ZSCAN25: variants seen among roughly 807,000 people sequenced by gnomAD.
The protein encoded by ZSCAN25 is zinc finger and SCAN domain-containing protein 25.
ZSCAN25 carries 27 observed loss-of-function variants against 38.7 expected under a neutral mutation model. The observed-to-expected ratio is 0.70, with a 90% confidence interval of 0.51 to 0.96. The LOEUF is 0.96. ZSCAN25 is among the 40% of genes least tolerant of loss of function. The pLI, the probability that ZSCAN25 is intolerant of heterozygous loss-of-function variation, is 0.00. For synonymous variants in ZSCAN25, 273 were observed against 277.7 expected (o/e 0.98, Z 0.17); for missense variants, 637 against 705.9 (o/e 0.90, Z 1.11).
the ZSCAN25 span, chr7:99,731,250 G>C: frequency 1.4e-6 from 2 of 1,381,736 alleles, no homozygotes. Flanking sequence ...ATCAGGCAAA[G>C]GAGGTAACAT....
the ZSCAN25 span, among the ~76,000 whole-genome samples, chr7:99,708,707 G>C: frequency 6.6e-6 from 1 of 152,040 alleles, no homozygotes; most frequent in Non-Finnish European, 1.5e-5. Context: ...AGTATATTCA[G>C]GAAAAAATAT....
At chr7:99,638,502 T>G in the ZSCAN25 span, 5 of 1,501,050 alleles carry the variant, frequency 3.3e-6, no homozygotes, top group Non-Finnish European at 4.6e-6. Flanking sequence ...GTCGGCACAG[T>G]CCACTACGAA....
At chr7:99,730,374 C>A in the ZSCAN25 span, among the ~76,000 whole-genome samples, 1 of 152,200 alleles carries the variant, frequency 6.6e-6, no homozygotes, top group Non-Finnish European at 1.5e-5. Context: ...TCAGTTACAT[C>A]CACTCCCTGC....
chr7:99,632,975 C>T (rs1808103405), downstream of ZSCAN25, among the ~76,000 whole-genome samples: 1 of 140,572 alleles, frequency 7.1e-6, no homozygotes, highest in Admixed American at 7.3e-5. Context: ...TTTTTACATT[C>T]TGCATTTTCT....
chr7:99,718,176 G>C, the ZSCAN25 span, among the ~76,000 whole-genome samples: 1 of 152,118 alleles, frequency 6.6e-6, no homozygotes, highest in Non-Finnish European at 1.5e-5. Context: ...AATGTTAAAT[G>C]ATGAGTTAAT....
chr7:99,629,385 C>G lies in ZSCAN25; in HGVS notation c.1000C>G (p.Leu334Val), dbSNP rs775491139. ...LPPPQHGAIP[L>V]PDEVKTHSSF... ...TCCTCCCCAGCACGGTGCCATCCCC[C>G]TGCCTGACGAAGTCAAAACCCACAG... The change falls in exon 8 of 8, where the codon CTG becomes GTG. Residue 334 changes from leucine (L) to valine (V), a missense_variant. Physicochemically the swap from Leu to Val is conservative, Grantham distance 32. Coordinates refer to ENST00000394152, the MANE Select transcript of ZSCAN25 (RefSeq NM_145115.3). The surrounding 1 kb of genome is among the most constrained non-coding windows in gnomAD (Gnocchi z 5.6). The G allele has an allele frequency of 1.9e-6, 3 of 1,614,234 alleles. No individual in the cohort carries two copies. In the Admixed American group the frequency reaches 5.0e-5, roughly 27 times the overall value.
At chr7:99,650,450 T>C in the ZSCAN25 span, among the ~76,000 whole-genome samples, 2 of 152,226 alleles carry the variant, frequency 1.3e-5, no homozygotes, top group Non-Finnish European at 2.9e-5. Context: ...TAGGAGCGTT[T>C]CTTGAGATGA....
chr7:99,650,021 A>T, the ZSCAN25 span: 3 of 1,595,158 alleles, frequency 1.9e-6, no homozygotes, highest in Non-Finnish European at 2.6e-6. Context: ...TAAAAAATAT[A>T]TACCCTTCAG....
chr7:99,643,087 C>G, the ZSCAN25 span, among the ~76,000 whole-genome samples: 1 of 151,122 alleles, frequency 6.6e-6, no homozygotes, highest in Admixed American at 6.6e-5. Context: ...TTCTTTTTTT[C>G]AAAAAAGCAA....
the ZSCAN25 span, among the ~76,000 whole-genome samples, chr7:99,679,004 G>T: frequency 6.6e-6 from 1 of 152,334 alleles, no homozygotes; most frequent in African/African-American, 2.4e-5. Flanking sequence ...AATCCAAATT[G>T]GCTTTCATGG....
chr7:99,693,174 T>C, the ZSCAN25 span, among the ~76,000 whole-genome samples: 1 of 152,152 alleles, frequency 6.6e-6, no homozygotes, highest in African/African-American at 2.4e-5. Context: ...CTTTTGGAGT[T>C]TGCTGGAGGT....
chr7:99,694,875 T>C, the ZSCAN25 span, among the ~76,000 whole-genome samples: 3 of 152,158 alleles, frequency 2.0e-5, no homozygotes, highest in Non-Finnish European at 2.9e-5. Flanking sequence ...CGACCAAAGT[T>C]CACAGTCCAT....
At chr7:99,689,687 C>T in the ZSCAN25 span, among the ~76,000 whole-genome samples, 1 of 152,312 alleles carries the variant, frequency 6.6e-6, no homozygotes, top group Admixed American at 6.5e-5. Flanking sequence ...CATGAGTGAA[C>T]TCCCATTCAC....
At chr7:99,668,047 T>C in the ZSCAN25 span, among the ~76,000 whole-genome samples, 1 of 152,172 alleles carries the variant, frequency 6.6e-6, no homozygotes, top group Non-Finnish European at 1.5e-5. Flanking sequence ...TCAAGGAATA[T>C]ACAAAAAAAT....
At chr7:99,732,551 G>A in the ZSCAN25 span, among the ~76,000 whole-genome samples, 3 of 152,120 alleles carry the variant, frequency 2.0e-5, no homozygotes, top group East Asian at 5.8e-4. Context: ...AGGCCTGCTT[G>A]CAACCCATCT....
chr7:99,731,244 G>A, the ZSCAN25 span: 6 of 1,422,896 alleles, frequency 4.2e-6, no homozygotes, highest in Admixed American at 3.6e-5. Flanking sequence ...GGAATGATCA[G>A]GCAAAGGAGG....
At chr7:99,699,852 C>A in the ZSCAN25 span, 2 of 711,428 alleles carry the variant, frequency 2.8e-6, no homozygotes, top group Non-Finnish European at 5.1e-6. Flanking sequence ...ATCCAAGAAG[C>A]TACTCCTCCT....
At chr7:99,649,172 G>C in the ZSCAN25 span, among the ~76,000 whole-genome samples, 1 of 152,134 alleles carries the variant, frequency 6.6e-6, no homozygotes, top group South Asian at 2.1e-4. Flanking sequence ...CCCTGTCCCA[G>C]GTGTGCCAGA....
chr7:99,718,443 C>T, the ZSCAN25 span, among the ~76,000 whole-genome samples: 1 of 152,142 alleles, frequency 6.6e-6, no homozygotes, highest in Non-Finnish European at 1.5e-5. Context: ...TTGAAACTCT[C>T]TTTCATCTTC....
Sources: gnomAD v4.1 joint callset for allele counts (sites outside exome capture counted in the v4.1 genomes callset) on GRCh38, gnomAD v4.1.1 for gene constraint, Gnocchi (gnomAD v3.1) non-coding constraint, MANE v1.5 for transcripts, NCBI Gene and HGNC (gene_info 2026-07-23, HGNC 2026-07-21) for gene names.